Variants in TBX18 observed in about 807,000 individuals in gnomAD.
TBX18 encodes T-box transcription factor 18.
Under a neutral mutation model 55.0 loss-of-function variants are expected in TBX18, and 21 were observed. The ratio of observed to expected loss-of-function variants is 0.38; its 90% CI spans 0.27 to 0.55. TBX18 has a LOEUF of 0.55. Among genes scored for constraint, TBX18 ranks in the 20% least tolerant of loss-of-function variants. The probability of loss-of-function intolerance (pLI) is 0.73; values close to 1 mark genes in which losing one functional copy is unlikely to be tolerated. For synonymous variants in TBX18, 342 were observed against 326.1 expected, an observed-to-expected ratio of 1.05 and a Z score of -0.53; for missense variants, 840 against 799.6, an observed-to-expected ratio of 1.05 and a Z score of -0.61.
Position 84,735,342 on chromosome 6 carries a change from T to G in TBX18, c.*1343A>C, listed in dbSNP as rs1355557636. The G allele has an allele frequency of 6.6e-6, 1 of 152,232 alleles. No homozygotes were observed. The highest frequency in any genetic ancestry group is 1.5e-5 in the Non-Finnish European group (1 of 68,032). 9.4% of individuals were successfully genotyped at this position (152,232 alleles called of 1,614,324 possible). A position where few individuals can be genotyped will look rare whatever the true frequency, so the allele number is the denominator to read the frequency against. On this transcript the variant is annotated 3_prime_UTR_variant, in exon 8 of 8. Transcript: ENST00000369663. ...TTATTTTAGGAATTAAAAAATTTAATACTGATTTTAATTTCTCCAGTTCTG... is the reference window on the plus strand; with the variant it reads ...TTATTTTAGGAATTAAAAAATTTAAGACTGATTTTAATTTCTCCAGTTCTG...
At chr6:84,743,238 A>G (rs1042064430) in intron 6 of TBX18, among the ~76,000 whole-genome samples, 2 of 152,284 alleles carry the variant, frequency 1.3e-5, no homozygotes, top group East Asian at 1.9e-4. Flanking sequence ...TGGTGTTTCA[A>G]TGATGCCACT....
intron 4 of TBX18, among the ~76,000 whole-genome samples, chr6:84,752,690 A>C (rs1465780884): frequency 6.6e-6 from 1 of 152,158 alleles, no homozygotes; most frequent in Non-Finnish European, 1.5e-5. Context: ...AGGTCCTTCC[A>C]CCAGGGAGAC....
At chr6:84,747,584 C>G (rs1461672395) in intron 5 of TBX18, among the ~76,000 whole-genome samples, 2 of 152,116 alleles carry the variant, frequency 1.3e-5, no homozygotes, top group Non-Finnish European at 2.9e-5. Flanking sequence ...AAGTCCCATG[C>G]TCTATGATAC....
At chr6:84,763,278 G>C in intron 1 of TBX18, 1 of 418,606 alleles carries the variant, frequency 2.4e-6, no homozygotes, top group South Asian at 1.7e-5. Flanking sequence ...GCATCTTCTA[G>C]AAGGCTCTTC....
intron 4 of TBX18, among the ~76,000 whole-genome samples, chr6:84,754,177 C>T (rs1263641484): frequency 6.6e-6 from 1 of 152,202 alleles, no homozygotes; most frequent in Non-Finnish European, 1.5e-5. Context: ...ATCCACCTGC[C>T]TCGGCCTCCC....
At chr6:84,738,895 C>A (rs1477386699) in intron 6 of TBX18, among the ~76,000 whole-genome samples, 1 of 152,128 alleles carries the variant, frequency 6.6e-6, no homozygotes, top group Non-Finnish European at 1.5e-5. Context: ...TGAAGAGAGT[C>A]CCTCCTGGCT....
chr6:84,754,847 TC>T (rs1767444631), intron 4 of TBX18, among the ~76,000 whole-genome samples: 1 of 152,192 alleles, frequency 6.6e-6, no homozygotes, highest in Non-Finnish European at 1.5e-5. Flanking sequence ...CAGACTGAGA[TC>T]CCTGGAGAAG....
At chr6:84,747,407 T>C (rs191000825) in intron 5 of TBX18, among the ~76,000 whole-genome samples, 82 of 152,340 alleles carry the variant, frequency 5.4e-4, no homozygotes, top group African/African-American at 1.9e-3. Context: ...AAATAAGTAT[T>C]CTACCATTGC....
chr6:84,742,260 G>A (rs904549256), intron 6 of TBX18: 4 of 152,038 alleles, frequency 2.6e-5, no homozygotes, highest in Non-Finnish European at 5.9e-5. Flanking sequence ...AATTTTTAAA[G>A]TTTTAGAGTC....
At position 84,735,125 on chromosome 6, in the gene TBX18, T is replaced by C. The variant is rs946170337; in HGVS notation, c.*1560A>G. 1 of 152,206 alleles carries C rather than the reference T, an allele frequency of 6.6e-6. No homozygotes were observed. 9.4% of individuals were successfully genotyped at this position (152,206 alleles called of 1,614,324 possible). On this transcript the variant is annotated 3_prime_UTR_variant, in exon 8 of 8. Transcript: ENST00000369663. ...AGGGATGAGTTAAAGCAACTCTTTT[T>C]AGCAATGAGAGAAAATCATGCTCTT...
At chr6:84,755,602 T>C (rs1403654432) in intron 4 of TBX18, among the ~76,000 whole-genome samples, 1 of 152,142 alleles carries the variant, frequency 6.6e-6, no homozygotes, top group Non-Finnish European at 1.5e-5. Flanking sequence ...GGACATGAAG[T>C]TGGGTACAGA....
At position 84,760,368 on chromosome 6, in the gene TBX18, G is replaced by C; in HGVS notation, c.498-12C>G. 2.1e-5 allele frequency: 34 copies of C among 1,591,406 alleles called. No individual in the cohort carries two copies. Among genetic ancestry groups the C allele is most frequent in the Non-Finnish European group, 2.9e-5 (34 of 1,166,802 alleles). The stretch of plus-strand genomic sequence containing the variant: ...CTGGAAACATGCGCCTATTTAAAAA[G>C]GCGAAGAGAAAGAGGGTTTGGGGTT... On this transcript the variant is annotated splice_polypyrimidine_tract_variant and intron_variant, in intron 2 of 7. Coordinates refer to ENST00000369663, the MANE Select transcript of TBX18 (RefSeq NM_001080508.3).
At chr6:84,755,815 A>T (rs1473901098) in intron 4 of TBX18, among the ~76,000 whole-genome samples, 1 of 152,240 alleles carries the variant, frequency 6.6e-6, no homozygotes, top group Non-Finnish European at 1.5e-5. Context: ...CTTCCAAACC[A>T]TATCCTGTCA....
rs201584562 is a variant in TBX18 at position 84,760,399 on chromosome 6, T to C, written c.498-43A>G. 345 of 1,428,698 alleles carry C rather than the reference T, an allele frequency of 2.4e-4. 1 individual carries two copies. In the East Asian group the frequency reaches 6.8e-3, roughly 28 times the overall value. 88.5% of individuals were successfully genotyped at this position (1,428,698 alleles called of 1,614,324 possible). A position where few individuals can be genotyped will look rare whatever the true frequency, so the allele number is the denominator to read the frequency against. On this transcript the variant is annotated intron_variant, in intron 2 of 7. Coordinates refer to ENST00000369663, the MANE Select transcript of TBX18 (RefSeq NM_001080508.3). ...GAGAAAGAGGGTTTGGGGTTTTTGTTTGTGACTAAGGATGGAGCGTGAATA... is the reference window on the plus strand; with the variant it reads ...GAGAAAGAGGGTTTGGGGTTTTTGTCTGTGACTAAGGATGGAGCGTGAATA...
Position 84,734,364 on chromosome 6 carries a change from T to C in TBX18, c.*2321A>G, listed in dbSNP as rs867988900. 18 of 152,152 alleles carry C rather than the reference T, an allele frequency of 1.2e-4. No individual in the cohort carries two copies. The highest frequency in any genetic ancestry group is 1.9e-4 in the Non-Finnish European group (13 of 68,026). The allele number at this position is 152,152 out of a possible 1,614,324, so 9.4% of individuals were successfully genotyped here. On this transcript the variant is annotated 3_prime_UTR_variant, in exon 8 of 8. Coordinates refer to ENST00000369663, the MANE Select transcript of TBX18 (RefSeq NM_001080508.3). ...TATTTGAGAGGTACAGAATTTGCGT[T>C]TGGGGTGTGCATGTGTGTGCTTATT...
rs74671789 is a variant in TBX18, at chr6:84,760,382, G to C, written c.498-26C>G. On this transcript the variant is annotated intron_variant, in intron 2 of 7. Transcript: ENST00000369663. ...CTATTTAAAAAGGCGAAGAGAAAGA[G>C]GGTTTGGGGTTTTTGTTTGTGACTA... 176,521 of 1,548,956 alleles carry C rather than the reference G, an allele frequency of 0.11. 10,485 individuals carry two copies. The highest frequency in any genetic ancestry group is 0.14 in the African/African-American group (10,143 of 73,088).
chr6:84,760,659 A>T (rs1428566723), intron 2 of TBX18, among the ~76,000 whole-genome samples: 1 of 152,212 alleles, frequency 6.6e-6, no homozygotes, highest in East Asian at 1.9e-4. Context: ...CTTATTTTTT[A>T]AACAAAATCG....
chr6:84,756,372 C>A (rs1315084796), intron 4 of TBX18, among the ~76,000 whole-genome samples: 1 of 152,198 alleles, frequency 6.6e-6, no homozygotes, highest in African/African-American at 2.4e-5. Context: ...ATTAACCCAA[C>A]TCCAAAGTAT....
intron 6 of TBX18, among the ~76,000 whole-genome samples, chr6:84,743,338 G>A (rs898433904): frequency 1.3e-5 from 2 of 152,156 alleles, no homozygotes; most frequent in Non-Finnish European, 2.9e-5. Context: ...TTAATCAACT[G>A]AAAGAACTAA....
Sources: allele counts gnomAD v4.1 joint callset (sites outside exome capture counted in the v4.1 genomes callset), GRCh38; gene constraint gnomAD v4.1.1; transcripts MANE v1.5; gene names NCBI Gene and HGNC (gene_info 2026-07-23, HGNC 2026-07-21).